The following VPS13C variants were observed in gnomAD, a reference collection of about 807,000 sequenced individuals.
VPS13C encodes intermembrane lipid transfer protein VPS13C.
VPS13C carries 358 observed loss-of-function variants against 456.8 expected under a neutral mutation model. The ratio of observed to expected loss-of-function variants is 0.78; its 90% CI spans 0.72 to 0.86. The LOEUF (loss-of-function observed/expected upper bound fraction) is 0.86, where lower values mean the gene tolerates loss of function less well. Among genes scored for constraint, VPS13C ranks in the 40% least tolerant of loss-of-function variants. The pLI, the probability that VPS13C is intolerant of heterozygous loss-of-function variation, is 0.00. For missense variants in VPS13C, 4,818 were observed against 4,385.4 expected, an observed-to-expected ratio of 1.10 and a Z score of -2.79; for synonymous variants, 1,578 against 1,486.7, an observed-to-expected ratio of 1.06 and a Z score of -1.41.
intron 66 of VPS13C, among the ~76,000 whole-genome samples, chr15:61,895,852 A>C (rs944083946): frequency 5.3e-5 from 8 of 152,162 alleles, no homozygotes; most frequent in Non-Finnish European, 1.2e-4. Context: ...AGGAGATACA[A>C]AATTACAGCA....
At chr15:62,002,382 T>C (rs1313054444) in intron 15 of VPS13C, among the ~76,000 whole-genome samples, 4 of 152,214 alleles carry the variant, frequency 2.6e-5, no homozygotes, top group East Asian at 1.9e-4. Context: ...TTTTTTCTTG[T>C]AAATTTGTTT....
chr15:61,949,380 AC>A lies in VPS13C; in HGVS notation c.4759+62del, dbSNP rs2044709919. 5.1e-6 allele frequency: 8 copies of A among 1,557,076 alleles called. No individual in the cohort carries two copies. In the South Asian group the frequency reaches 7.2e-5, roughly 14 times the overall value. On this transcript the variant is annotated intron_variant, in intron 42 of 84. Transcript: ENST00000644861. ...TAAATATTCATCTTAACTGAAAAAA[AC>A]AAGTTGTTATATGATTATTAAAGTT...
In VPS13C at chr15:61,991,765, G is replaced by A. The variant is rs2140422857; in HGVS notation, c.1391C>T (p.Ala464Val). ...GCCTCCACGTTTCTCGCCTGTGTCA[G>A]CAGACTTTTTCCTTAATTTTTGCCC... ...RSGQKLRKKS[A>V]DTGEKRGGWF... is the part of the protein sequence containing the mutation. The change falls in exon 17 of 85, where the codon GCT becomes GTT. Residue 464 changes from alanine (A) to valine (V), a missense_variant. Physicochemically the swap from Ala to Val is moderately conservative, Grantham distance 64. This residue lies in a region of VPS13C where 4,552 missense variants were observed against 4,130.6 expected (regional missense o/e 1.10). Coordinates refer to ENST00000644861, the MANE Select transcript of VPS13C (RefSeq NM_020821.3). The A allele has an allele frequency of 6.2e-7, 1 of 1,612,802 alleles. No individual in the cohort carries two copies. The highest frequency in any genetic ancestry group is 8.5e-7 in the Non-Finnish European group (1 of 1,179,536).
At chr15:61,898,031 A>G (rs989920865) in intron 66 of VPS13C, among the ~76,000 whole-genome samples, 2 of 152,128 alleles carry the variant, frequency 1.3e-5, no homozygotes, top group Non-Finnish European at 2.9e-5. Flanking sequence ...GAAATAAAAT[A>G]CTTTACAGAC....
At chr15:61,982,378 A>AT in intron 21 of VPS13C, 81 bp downstream of exon 21, 1 of 1,017,234 alleles carries the variant, frequency 9.8e-7, no homozygotes, top group East Asian at 2.4e-5. Flanking sequence ...GCAACATAAT[A>AT]TTTTGAATAC....
chr15:61,900,004 A>G (rs1165498256), intron 66 of VPS13C, among the ~76,000 whole-genome samples: 1 of 152,244 alleles, frequency 6.6e-6, no homozygotes, highest in Non-Finnish European at 1.5e-5. Flanking sequence ...AGAGCCAAAG[A>G]CAAAAACCAC....
chr15:62,027,684 T>C (rs2047681443), intron 6 of VPS13C, among the ~76,000 whole-genome samples: 1 of 152,098 alleles, frequency 6.6e-6, no homozygotes, highest in South Asian at 2.1e-4. Flanking sequence ...TGAAGTATGA[T>C]ATAAAACATA....
intron 1 of VPS13C, among the ~76,000 whole-genome samples, chr15:62,059,274 T>C (rs939419737): frequency 1.3e-5 from 2 of 152,220 alleles, no homozygotes; most frequent in South Asian, 4.1e-4. Flanking sequence ...ACAGCTACAG[T>C]GGCTAGTGGT....
chr15:61,975,224 G>T (rs2045669634), intron 24 of VPS13C, among the ~76,000 whole-genome samples: 1 of 151,720 alleles, frequency 6.6e-6, no homozygotes, highest in Admixed American at 6.6e-5. Flanking sequence ...TAAGAAACTA[G>T]GACTGAAAAG....
chr15:62,003,754 C>T (rs1184783873), intron 15 of VPS13C, among the ~76,000 whole-genome samples: 1 of 151,690 alleles, frequency 6.6e-6, no homozygotes, highest in East Asian at 1.9e-4. Flanking sequence ...TGTCAAAGGC[C>T]TTTTCTGCAT....
Position 61,922,454 on chromosome 15 carries a change from T to G in VPS13C, c.6918A>C (p.Ser2306=), listed in dbSNP as rs769232194. The G allele has an allele frequency of 6.2e-7, 1 of 1,614,010 alleles. No homozygotes were observed. The highest frequency in any genetic ancestry group is 2.2e-5 in the East Asian group (1 of 44,864). Reference sequence around the variant, plus strand: ...GAGAAGTCCAATTTTTAATATTTCCTGAAAACTTAGACTCTGCCAATAATA... The same window carrying G: ...GAGAAGTCCAATTTTTAATATTTCCGGAAAACTTAGACTCTGCCAATAATA... ...VPLLLAESKF[S]GNIKNWTSLM... Residue 2306 remains serine (S), a synonymous_variant, in exon 54 of 85, where the codon TCA becomes TCC. Transcript: ENST00000644861.
At chr15:62,053,176 G>C (rs1596541379) in intron 1 of VPS13C, among the ~76,000 whole-genome samples, 1 of 152,190 alleles carries the variant, frequency 6.6e-6, no homozygotes, top group South Asian at 2.1e-4. Flanking sequence ...TATGCCATAG[G>C]ACAAGCTAAT....
At chr15:61,984,058 G>A in intron 19 of VPS13C, 46 bp from the exon 20 acceptor site, 1 of 1,544,542 alleles carries the variant, frequency 6.5e-7, no homozygotes, top group Non-Finnish European at 8.8e-7. Context: ...AAGGTCTTTT[G>A]TAATCTAATG....
chr15:62,040,536 C>T (rs1256541680), intron 3 of VPS13C, among the ~76,000 whole-genome samples: 1 of 151,800 alleles, frequency 6.6e-6, no homozygotes, highest in African/African-American at 2.4e-5. Flanking sequence ...ATAACAGACA[C>T]TGGGGACTCC....
In VPS13C at chr15:61,974,331, A is replaced by ATAC; in HGVS notation, c.2492_2494dup (p.Ser831dup). On this transcript the variant is annotated inframe_insertion, in exon 25 of 85. Transcript: ENST00000644861. Reference sequence around the variant, plus strand: ...GGCTGATGATTTCTGTGGCAAAGGTATACTGTTCATCAAATATAGCACATC... The same window carrying ATAC: ...GGCTGATGATTTCTGTGGCAAAGGTATACTACTGTTCATCAAATATAGCACATC... The ATAC allele has an allele frequency of 1.9e-6, 3 of 1,612,614 alleles. No homozygotes were observed. Among genetic ancestry groups the ATAC allele is most frequent in the Non-Finnish European group, 2.5e-6 (3 of 1,178,994 alleles).
chr15:61,992,757 T>C (rs1237117008), intron 16 of VPS13C, among the ~76,000 whole-genome samples: 1 of 152,128 alleles, frequency 6.6e-6, no homozygotes, highest in East Asian at 1.9e-4. Context: ...TATTCAATCC[T>C]TGCTGCACAA....
intron 1 of VPS13C, among the ~76,000 whole-genome samples, chr15:62,060,061 G>C (rs1292057240): frequency 1.3e-5 from 2 of 152,196 alleles, no homozygotes; most frequent in Non-Finnish European, 2.9e-5. Context: ...CTTTGGCAGC[G>C]CGGGCGGGAT....
intron 22 of VPS13C, 144 bp downstream of exon 22, chr15:61,981,198 C>T (rs1419724884): frequency 9.0e-6 from 9 of 1,004,130 alleles, no homozygotes; most frequent in South Asian, 7.2e-5. Flanking sequence ...ATATAAAATA[C>T]TCCAAGCAAG....
At chr15:62,054,701 T>C (rs911496058) in intron 1 of VPS13C, among the ~76,000 whole-genome samples, 2 of 151,480 alleles carry the variant, frequency 1.3e-5, no homozygotes, top group African/African-American at 4.9e-5. Flanking sequence ...AACCTGCACA[T>C]TCTGCACATG....
Sources: allele counts gnomAD v4.1 joint callset (sites outside exome capture counted in the v4.1 genomes callset), GRCh38; gene constraint gnomAD v4.1.1; regional missense constraint gnomAD v4.1.1; transcripts MANE v1.5; gene names NCBI Gene and HGNC (gene_info 2026-07-23, HGNC 2026-07-21).